Variants in PXDNL observed in about 807,000 individuals in gnomAD.
The protein encoded by PXDNL is probable oxidoreductase PXDNL.
Under a neutral mutation model 150.8 loss-of-function variants are expected in PXDNL, and 145 were observed. That is an observed-to-expected ratio of 0.96 (90% CI 0.84 to 1.10). PXDNL has a LOEUF of 1.10. Ranked by LOEUF, PXDNL falls within the 50% of genes least tolerant of loss-of-function variation. PXDNL has a pLI of 0.00. For synonymous variants in PXDNL, 757 were observed against 725.7 expected, an observed-to-expected ratio of 1.04 and a Z score of -0.69; for missense variants, 2,087 against 1,873.9, an observed-to-expected ratio of 1.11 and a Z score of -2.10.
intron 1 of PXDNL, among the ~76,000 whole-genome samples, chr8:51,743,145 T>A (rs1371216538): frequency 6.6e-6 from 1 of 152,158 alleles, no homozygotes; most frequent in African/African-American, 2.4e-5. Flanking sequence ...CCTTTAAAAG[T>A]ACACTACCTG....
At chr8:51,481,541 G>A (rs1810603591) in intron 6 of PXDNL, among the ~76,000 whole-genome samples, 1 of 152,208 alleles carries the variant, frequency 6.6e-6, no homozygotes, top group African/African-American at 2.4e-5. Flanking sequence ...AAGACAATGG[G>A]GAAAATGTCT....
At chr8:51,691,147 T>C (rs1815988865) in intron 1 of PXDNL, among the ~76,000 whole-genome samples, 1 of 152,218 alleles carries the variant, frequency 6.6e-6, no homozygotes, top group African/African-American at 2.4e-5. Flanking sequence ...GTAGTTTCTT[T>C]TGCTGTGCAG....
intron 4 of PXDNL, among the ~76,000 whole-genome samples, chr8:51,532,269 AGTATTATAT>A (rs1420326446): frequency 6.6e-6 from 1 of 152,206 alleles, no homozygotes; most frequent in African/African-American, 2.4e-5. Context: ...TATTTTTCAC[AGTATTATAT>A]AGTGATATTC....
intron 5 of PXDNL, among the ~76,000 whole-genome samples, chr8:51,488,903 T>TTATTACA (rs1810829017): frequency 1.3e-5 from 2 of 152,290 alleles, no homozygotes; most frequent in Admixed American, 6.5e-5. Flanking sequence ...AGCATTACAA[T>TTATTACA]TATTACATGT....
At chr8:51,684,678 T>A (rs1429675758) in intron 1 of PXDNL, among the ~76,000 whole-genome samples, 1 of 152,208 alleles carries the variant, frequency 6.6e-6, no homozygotes, top group East Asian at 1.9e-4. Flanking sequence ...GCTCTTTAAA[T>A]CTGGGTCCAG....
At chr8:51,358,989 T>TGTGCAGTGTGCA (rs1158038445) in intron 19 of PXDNL, among the ~76,000 whole-genome samples, 1 of 151,944 alleles carries the variant, frequency 6.6e-6, no homozygotes, top group African/African-American at 2.4e-5. Context: ...GCCCTCAGAG[T>TGTGCAGTGTGCA]GTGCAGTGTG....
intron 2 of PXDNL, among the ~76,000 whole-genome samples, chr8:51,603,612 T>C (rs897309100): frequency 6.6e-6 from 1 of 152,096 alleles, no homozygotes; most frequent in Non-Finnish European, 1.5e-5. Flanking sequence ...ATTTCTAAGG[T>C]GAATGTGGGT....
rs760214063 is a variant in PXDNL at position 51,408,439 on chromosome 8, G to A, written c.3185C>T (p.Pro1062Leu). The change falls in exon 17 of 23, where the codon CCT becomes CTT. Residue 1062 changes from proline to leucine, a missense_variant. Transcript: ENST00000356297. Reference sequence around the variant, plus strand: ...GGTGGCATTCAGTCGGTAAAGAATAGGATTGATTAATGTGTGGCCAAATCT... The same window carrying A: ...GGTGGCATTCAGTCGGTAAAGAATAAGATTGATTAATGTGTGGCCAAATCT... ...AFRFGHTLIN[P>L]ILYRLNATLG... is the part of the protein sequence containing the mutation. The A allele has an allele frequency of 2.5e-6, 4 of 1,614,028 alleles. No homozygotes were observed. The highest frequency in any genetic ancestry group is 3.4e-6 in the Non-Finnish European group (4 of 1,179,888).
chr8:51,360,864 T>A (rs1482775471), intron 19 of PXDNL, among the ~76,000 whole-genome samples: 1 of 152,250 alleles, frequency 6.6e-6, no homozygotes, highest in African/African-American at 2.4e-5. Context: ...TTTCTGTCCG[T>A]AAATCTTCTT....
intron 3 of PXDNL, among the ~76,000 whole-genome samples, chr8:51,589,854 T>C (rs1008483405): frequency 1.3e-5 from 2 of 152,084 alleles, no homozygotes; most frequent in Non-Finnish European, 2.9e-5. Context: ...TAAAAAAGCA[T>C]GTAAAAGAGA....
At chr8:51,576,170 T>A (rs1203091068) in intron 3 of PXDNL, among the ~76,000 whole-genome samples, 4 of 143,976 alleles carry the variant, frequency 2.8e-5, no homozygotes, top group African/African-American at 5.1e-5. Context: ...AACAACACAG[T>A]CTAACTCACA....
chr8:51,366,352 T>C (rs1177462372), intron 19 of PXDNL, among the ~76,000 whole-genome samples: 1 of 152,236 alleles, frequency 6.6e-6, no homozygotes, highest in Admixed American at 6.5e-5. Context: ...TGGCTGTTCC[T>C]GAACCTCACT....
intron 4 of PXDNL, among the ~76,000 whole-genome samples, chr8:51,539,232 T>C (rs1812158215): frequency 6.6e-6 from 1 of 152,108 alleles, no homozygotes; most frequent in Non-Finnish European, 1.5e-5. Flanking sequence ...GTTTTTATTA[T>C]TTTTATTTTT....
intron 12 of PXDNL, among the ~76,000 whole-genome samples, chr8:51,446,559 G>A (rs1364395671): frequency 6.6e-6 from 1 of 151,962 alleles, no homozygotes; most frequent in Non-Finnish European, 1.5e-5. Flanking sequence ...TATATATTAT[G>A]TAGGATAAAC....
At chr8:51,607,204 G>C (rs999703709) in intron 2 of PXDNL, among the ~76,000 whole-genome samples, 1 of 152,158 alleles carries the variant, frequency 6.6e-6, no homozygotes, top group Non-Finnish European at 1.5e-5. Context: ...ATAGGAAATG[G>C]GGAGGGACAC....
intron 4 of PXDNL, among the ~76,000 whole-genome samples, chr8:51,548,652 C>T (rs538485094): frequency 6.6e-6 from 1 of 152,094 alleles, no homozygotes; most frequent in Non-Finnish European, 1.5e-5. Context: ...GAATTCACCT[C>T]TATCAACCCA....
Position 51,415,730 on chromosome 8 carries a change from G to A in PXDNL, c.1796-2472C>T, listed in dbSNP as rs184245094. ...TAAAAGATGCTTAAGGTAAAAATTC[G>A]AAAACTAGAAAGAGATAACCATAAA... On this transcript the variant is annotated intron_variant, in intron 14 of 22. Transcript: ENST00000356297. 1.5e-4 allele frequency among the ~76,000 whole-genome samples: 23 copies of A among 152,100 alleles called. No homozygotes were observed. In the South Asian group the frequency reaches 2.5e-3, roughly 16 times the overall value.
intron 1 of PXDNL, among the ~76,000 whole-genome samples, chr8:51,713,338 G>T (rs1816538453): frequency 6.6e-6 from 1 of 152,192 alleles, no homozygotes; most frequent in African/African-American, 2.4e-5. Flanking sequence ...TTAAATAAAG[G>T]AACTTTAAAT....
chr8:51,382,578 A>T (rs73579656), intron 17 of PXDNL, among the ~76,000 whole-genome samples: 4,121 of 152,194 alleles, frequency 0.027, 172 homozygotes, highest in African/African-American at 0.095. Flanking sequence ...CTTTGAAGAG[A>T]CCATTCAATT....
Sources: allele counts gnomAD v4.1 joint callset (sites outside exome capture counted in the v4.1 genomes callset), GRCh38; gene constraint gnomAD v4.1.1; transcripts MANE v1.5; gene names NCBI Gene and HGNC (gene_info 2026-07-23, HGNC 2026-07-21).